BARD1: variants seen among roughly 807,000 people sequenced by gnomAD.
The protein encoded by BARD1 is BRCA1 associated RING domain 1, also known as BRCA1-associated RING domain protein 1.
In BARD1, 73 loss-of-function variants were observed where a neutral mutation model predicts 77.0. The ratio of observed to expected loss-of-function variants is 0.95; its 90% CI spans 0.79 to 1.15. The LOEUF (loss-of-function observed/expected upper bound fraction) is 1.15. Among genes scored for constraint, BARD1 ranks in the 50% most tolerant of loss-of-function variants. The pLI, the probability that BARD1 is intolerant of heterozygous loss-of-function variation, is 0.00. For missense variants in BARD1, 993 were observed against 938.8 expected, an observed-to-expected ratio of 1.06 and a Z score of -0.75; for synonymous variants, 384 against 338.0, an observed-to-expected ratio of 1.14 and a Z score of -1.49.
At chr2:214,784,935 T>C (rs555724857) in intron 3 of BARD1, among the ~76,000 whole-genome samples, 1 of 151,978 alleles carries the variant, frequency 6.6e-6, no homozygotes, top group East Asian at 1.9e-4. Flanking sequence ...ACATGACAGG[T>C]TGATGGGTGC....
In BARD1 at chr2:214,748,407, A is replaced by G. The variant is rs566906252; in HGVS notation, c.1678-2553T>C. On this transcript the variant is annotated intron_variant, in intron 7 of 10. Transcript: ENST00000260947. Reference sequence around the variant, plus strand: ...AAGGTTTAATACCCTGATTTTATAGAGATTAGATACTATGTTCATTAGCAT... The same window carrying G: ...AAGGTTTAATACCCTGATTTTATAGGGATTAGATACTATGTTCATTAGCAT... Among the ~76,000 whole-genome samples the G allele has an allele frequency of 2.6e-5, 4 of 152,242 alleles. 1 individual carries two copies. The South Asian group carries it at 8.3e-4, about 32-fold the overall frequency.
chr2:214,747,061 T>G (rs1352683717), intron 7 of BARD1, among the ~76,000 whole-genome samples: 1 of 151,908 alleles, frequency 6.6e-6, no homozygotes, highest in Non-Finnish European at 1.5e-5. Flanking sequence ...GAACAGACAC[T>G]TCTCAAAAGA....
rs1692135142 is a variant in BARD1, at chr2:214,727,576, C to T, written c.*1100G>A. On this transcript the variant is annotated 3_prime_UTR_variant, in exon 11 of 11. Transcript: ENST00000260947. Reference sequence around the variant, plus strand: ...AGAGTAACCTCCCCACATCTGGCCACTCTCAGGTGGTATCCTGCCCACTCA... The same window carrying T: ...AGAGTAACCTCCCCACATCTGGCCATTCTCAGGTGGTATCCTGCCCACTCA... 1 of 232,388 alleles carries T rather than the reference C, an allele frequency of 4.3e-6. No homozygotes were observed. The highest frequency in any genetic ancestry group is 8.5e-6 in the Non-Finnish European group (1 of 117,586). The allele number at this position is 232,388 out of a possible 1,614,324, so 14.4% of individuals were successfully genotyped here.
In BARD1 at chr2:214,809,356, C is replaced by G. The variant is rs1028847965; in HGVS notation, c.158+56G>C. 8.1e-6 allele frequency: 13 copies of G among 1,604,484 alleles called. No individual in the cohort carries two copies. The African/African-American group carries it at 1.6e-4, about 20-fold the overall frequency. On this transcript the variant is annotated intron_variant, in intron 1 of 10. Coordinates refer to ENST00000260947, the MANE Select transcript of BARD1 (RefSeq NM_000465.4). Reference sequence around the variant, plus strand: ...AAGATTTGAAAAGATTCTGCCGCCCCCAGAAACTGTGCGACCCGTGCCCTC... The same window carrying G: ...AAGATTTGAAAAGATTCTGCCGCCCGCAGAAACTGTGCGACCCGTGCCCTC...
intron 9 of BARD1, among the ~76,000 whole-genome samples, chr2:214,734,533 T>C (rs1034565159): frequency 6.6e-6 from 1 of 152,110 alleles, no homozygotes; most frequent in Non-Finnish European, 1.5e-5. Context: ...AAACTATGAA[T>C]GCTATGTTAC....
chr2:214,734,043 A>G (rs1403708864), intron 9 of BARD1, among the ~76,000 whole-genome samples: 2 of 152,184 alleles, frequency 1.3e-5, no homozygotes, highest in African/African-American at 4.8e-5. Context: ...TGCTTGCCAG[A>G]AAGATAATAA....
chr2:214,807,640 G>C (rs1696334342), intron 1 of BARD1, among the ~76,000 whole-genome samples: 1 of 152,178 alleles, frequency 6.6e-6, no homozygotes, highest in Non-Finnish European at 1.5e-5. Flanking sequence ...ACCCAGAATA[G>C]GGTCTGGCAC....
chr2:214,741,395 C>T (rs1044073988), intron 9 of BARD1, among the ~76,000 whole-genome samples: 2 of 152,054 alleles, frequency 1.3e-5, no homozygotes, highest in Admixed American at 1.3e-4. Flanking sequence ...ATTTTGAAAG[C>T]AGTGTACTAA....
chr2:214,764,080 G>T (rs1036156451), intron 6 of BARD1, among the ~76,000 whole-genome samples: 3 of 152,202 alleles, frequency 2.0e-5, no homozygotes, highest in Non-Finnish European at 4.4e-5. Context: ...CTTAGAAAAG[G>T]CACAGATATG....
intron 1 of BARD1, among the ~76,000 whole-genome samples, chr2:214,807,848 G>A (rs1004474949): frequency 6.6e-6 from 1 of 152,206 alleles, no homozygotes. Flanking sequence ...TATGTGCCAA[G>A]GGAATGTCTA....
chr2:214,746,519 AAAATAAAG>A lies in BARD1; in HGVS notation c.1678-673_1678-666del, dbSNP rs149967030. ...GAATTCACAGAAGACAAAAAAGACA[AAAATAAAG>A]AGAAGGTAAGAGTGGACAGCATTAA... On this transcript the variant is annotated intron_variant, in intron 7 of 10. Coordinates refer to ENST00000260947, the MANE Select transcript of BARD1 (RefSeq NM_000465.4). Among the ~76,000 whole-genome samples, 475 of 152,304 alleles carry A rather than the reference AAAATAAAG, an allele frequency of 3.1e-3. 1 individual carries two copies. Among genetic ancestry groups the A allele is most frequent in the African/African-American group, 0.01 (435 of 41,578 alleles).
intron 7 of BARD1, among the ~76,000 whole-genome samples, chr2:214,750,358 C>G (rs1015433081): frequency 6.6e-6 from 1 of 152,182 alleles, no homozygotes; most frequent in Non-Finnish European, 1.5e-5. Flanking sequence ...AAACTCGTAT[C>G]AGGGAATTTA....
chr2:214,791,461 A>T (rs894059277), intron 3 of BARD1, among the ~76,000 whole-genome samples: 4 of 152,206 alleles, frequency 2.6e-5, no homozygotes, highest in African/African-American at 7.2e-5. Flanking sequence ...CTACAAACAC[A>T]CACTAAAATA....
At chr2:214,789,376 A>T (rs368135026) in intron 3 of BARD1, among the ~76,000 whole-genome samples, 1,753 of 125,406 alleles carry the variant, frequency 0.014, 14 homozygotes, top group Middle Eastern at 0.043. Flanking sequence ...TATCTCTTCT[A>T]AAAAAAAAAA....
intron 1 of BARD1, among the ~76,000 whole-genome samples, chr2:214,802,007 C>T (rs890447516): frequency 1.3e-5 from 2 of 152,130 alleles, no homozygotes; most frequent in Non-Finnish European, 2.9e-5. Flanking sequence ...TACAGGTGCA[C>T]ACCACCATAC....
intron 1 of BARD1, among the ~76,000 whole-genome samples, chr2:214,802,220 T>C (rs1696056740): frequency 1.3e-5 from 2 of 152,204 alleles, no homozygotes; most frequent in Admixed American, 1.3e-4. Context: ...AGTACAATGC[T>C]GGGCCACAGC....
chr2:214,789,375 TAA>T (rs772623207), intron 3 of BARD1, among the ~76,000 whole-genome samples: 1 of 141,516 alleles, frequency 7.1e-6, no homozygotes. Context: ...CTATCTCTTC[TAA>T]AAAAAAAAAA....
rs3046935 is a variant in BARD1, at chr2:214,729,975, TAAAA to T, written c.2001+432_2001+435del. Among the ~76,000 whole-genome samples the T allele has an allele frequency of 7.6e-3, 1,152 of 152,252 alleles. 30 individuals carry two copies. Among genetic ancestry groups the T allele is most frequent in the Admixed American group, 0.054 (825 of 15,298 alleles). On this transcript the variant is annotated intron_variant, in intron 10 of 10. Coordinates refer to ENST00000260947, the MANE Select transcript of BARD1 (RefSeq NM_000465.4). ...CATACTTCCGTATGCTCGTTGGAAA[TAAAA>T]AAAGTTTCATAATTCCCTTCTATGG...
intron 4 of BARD1, among the ~76,000 whole-genome samples, chr2:214,776,886 A>G (rs1014663598): frequency 5.3e-5 from 8 of 152,126 alleles, no homozygotes; most frequent in Non-Finnish European, 1.2e-4. Context: ...AAGATGTGAG[A>G]AGGACTCAAT....
Sources: gnomAD v4.1 joint callset for allele counts (sites outside exome capture counted in the v4.1 genomes callset) on GRCh38, gnomAD v4.1.1 for gene constraint, MANE v1.5 for transcripts, NCBI Gene and HGNC (gene_info 2026-07-23, HGNC 2026-07-21) for gene names.